ACVR1C: variants seen among roughly 807,000 people sequenced by gnomAD.
ACVR1C encodes activin receptor type-1C.
Under a neutral mutation model 57.9 loss-of-function variants are expected in ACVR1C, and 23 were observed. The ratio of observed to expected loss-of-function variants is 0.40; its 90% CI spans 0.29 to 0.56. The LOEUF is 0.56. ACVR1C is among the 20% of genes least tolerant of loss of function. The probability of loss-of-function intolerance (pLI) is 0.50; values close to 1 mark genes in which losing one functional copy is unlikely to be tolerated. For missense variants in ACVR1C, 480 were observed against 607.9 expected (o/e 0.79, Z 2.21); for synonymous variants, 214 against 215.3 (o/e 0.99, Z 0.05).
chr2:157,561,591 G>C (rs1688230648), intron 2 of ACVR1C, among the ~76,000 whole-genome samples: 1 of 152,132 alleles, frequency 6.6e-6, no homozygotes, highest in East Asian at 1.9e-4. Context: ...AAATAGAAGA[G>C]AGAACACACT....
intron 1 of ACVR1C, among the ~76,000 whole-genome samples, chr2:157,628,180 C>T (rs1026344778): frequency 6.6e-6 from 1 of 152,170 alleles, no homozygotes; most frequent in African/African-American, 2.4e-5. Context: ...GCGCGTCCGA[C>T]GCATACCTGC....
intron 4 of ACVR1C, among the ~76,000 whole-genome samples, chr2:157,547,887 C>T (rs1015343258): frequency 3.3e-4 from 50 of 151,574 alleles, no homozygotes; most frequent in African/African-American, 1.2e-3. Context: ...ACATGAAGTC[C>T]TTGCCCATGC....
chr2:157,549,451 A>G (rs1197384221), intron 4 of ACVR1C, among the ~76,000 whole-genome samples: 6 of 152,088 alleles, frequency 3.9e-5, no homozygotes, highest in African/African-American at 1.4e-4. Flanking sequence ...AGCAGCAACT[A>G]ATGGGTAAAA....
Position 157,529,284 on chromosome 2 carries a change from G to A in ACVR1C, c.*4634C>T, listed in dbSNP as rs1409993805. ...TAAATTTTATCCATTAATTTTATCA[G>A]CACCCCAGTGGTTGCCTACTTAGCT... On this transcript the variant is annotated 3_prime_UTR_variant, in exon 9 of 9. Transcript: ENST00000243349. 2 of 151,998 alleles carry A rather than the reference G, an allele frequency of 1.3e-5. No individual in the cohort carries two copies. The highest frequency in any genetic ancestry group is 6.6e-5 in the Admixed American group (1 of 15,220). The allele number at this position is 151,998 out of a possible 1,614,324, so 9.4% of individuals were successfully genotyped here.
chr2:157,563,657 A>T (rs1425243816), intron 2 of ACVR1C, among the ~76,000 whole-genome samples: 1 of 152,248 alleles, frequency 6.6e-6, no homozygotes, highest in Non-Finnish European at 1.5e-5. Flanking sequence ...CTGTATAGCC[A>T]AGACAATCCT....
In ACVR1C at chr2:157,533,861, A is replaced by C; in HGVS notation, c.*57T>G. On this transcript the variant is annotated 3_prime_UTR_variant, in exon 9 of 9. Coordinates refer to ENST00000243349, the MANE Select transcript of ACVR1C (RefSeq NM_145259.3). ...AAAAAATGGCAAAAACATTCACATA[A>C]AGGGGAAAATGGAAAAGAAAGCTAT... 1 of 1,467,126 alleles carries C rather than the reference A, an allele frequency of 6.8e-7. No individual in the cohort carries two copies. Among genetic ancestry groups the C allele is most frequent in the Non-Finnish European group, 9.0e-7 (1 of 1,110,144 alleles). The allele number at this position is 1,467,126 out of a possible 1,614,324, so 90.9% of individuals were successfully genotyped here. A position where few individuals can be genotyped will look rare whatever the true frequency, so the allele number is the denominator to read the frequency against.
At chr2:157,552,592 C>T (rs12328809) in intron 3 of ACVR1C, among the ~76,000 whole-genome samples, 6,825 of 152,270 alleles carry the variant, frequency 0.045, 336 homozygotes, top group African/African-American at 0.13. Flanking sequence ...AGAAACATCA[C>T]TACCAACAAC....
At chr2:157,555,398 C>T (rs1688076123) in intron 3 of ACVR1C, among the ~76,000 whole-genome samples, 1 of 151,994 alleles carries the variant, frequency 6.6e-6, no homozygotes, top group Admixed American at 6.6e-5. Flanking sequence ...GGATTACAGG[C>T]GTGAGCCACC....
chr2:157,546,042 G>A (rs748819435), intron 4 of ACVR1C, among the ~76,000 whole-genome samples: 4 of 152,008 alleles, frequency 2.6e-5, no homozygotes, highest in Non-Finnish European at 4.4e-5. Context: ...TTGGCCTCCC[G>A]AAGTGCTGGG....
chr2:157,554,974 C>T, intron 3 of ACVR1C, among the ~76,000 whole-genome samples: 1 of 151,666 alleles, frequency 6.6e-6, no homozygotes, highest in Non-Finnish European at 1.5e-5. Flanking sequence ...AACTGTCCCC[C>T]CACTCCGCCA....
In ACVR1C at chr2:157,628,765, T is replaced by G. The variant is rs1252625266; in HGVS notation, c.-121A>C. 16 of 855,884 alleles carry G rather than the reference T, an allele frequency of 1.9e-5. No homozygotes were observed. The highest frequency in any genetic ancestry group is 2.5e-5 in the Non-Finnish European group (15 of 592,068). 53.0% of individuals were successfully genotyped at this position (855,884 alleles called of 1,614,324 possible). A position where few individuals can be genotyped will look rare whatever the true frequency, so the allele number is the denominator to read the frequency against. ...GGGGAGCGCGGCACCGACACCCTTT[T>G]GAAGTGCGCGGTTGGCTCTAGTCAG... On this transcript the variant is annotated 5_prime_UTR_variant, in exon 1 of 9. Coordinates refer to ENST00000243349, the MANE Select transcript of ACVR1C (RefSeq NM_145259.3).
At chr2:157,601,276 C>T (rs1303706009) in intron 1 of ACVR1C, among the ~76,000 whole-genome samples, 1 of 151,844 alleles carries the variant, frequency 6.6e-6, no homozygotes. Flanking sequence ...GAGATTGCAC[C>T]ACTGCTCTCC....
intron 1 of ACVR1C, among the ~76,000 whole-genome samples, chr2:157,608,773 A>T (rs189167639): frequency 6.6e-6 from 1 of 151,970 alleles, no homozygotes; most frequent in East Asian, 1.9e-4. Context: ...ATAGTTGTTC[A>T]TAACAGTCTC....
At chr2:157,561,768 T>A (rs1365697196) in intron 2 of ACVR1C, among the ~76,000 whole-genome samples, 1 of 152,232 alleles carries the variant, frequency 6.6e-6, no homozygotes, top group African/African-American at 2.4e-5. Context: ...TACCATTATT[T>A]CCAATATTTG....
intron 4 of ACVR1C, among the ~76,000 whole-genome samples, chr2:157,546,385 A>G (rs1355730289): frequency 2.0e-5 from 3 of 152,182 alleles, no homozygotes; most frequent in Non-Finnish European, 4.4e-5. Flanking sequence ...ATCATCAGTA[A>G]ACATAATTAT....
In ACVR1C at chr2:157,576,203, C is replaced by CTTTTTTT. The variant is rs10628650; in HGVS notation, c.304+10977_304+10983dup. 4.2e-4 allele frequency among the ~76,000 whole-genome samples: 41 copies of CTTTTTTT among 97,924 alleles called. 1 individual carries two copies. Among genetic ancestry groups the CTTTTTTT allele is most frequent in the Non-Finnish European group, 5.3e-4 (27 of 50,804 alleles). 64.2% of individuals were successfully genotyped at this position (97,924 alleles called of 152,430 possible). ...ATTGTGGCTTGAGGAATAATCATTT[C>CTTTTTTT]TTTTTTTTTTTTTTTTTTTTGGCGA... On this transcript the variant is annotated intron_variant, in intron 2 of 8. Coordinates refer to ENST00000243349, the MANE Select transcript of ACVR1C (RefSeq NM_145259.3).
In ACVR1C at chr2:157,532,827, T is replaced by G. The variant is rs1265189962; in HGVS notation, c.*1091A>C. 1 of 152,170 alleles carries G rather than the reference T, an allele frequency of 6.6e-6. No homozygotes were observed. The highest frequency in any genetic ancestry group is 6.6e-5 in the Admixed American group (1 of 15,254). The allele number at this position is 152,170 out of a possible 1,614,324, so 9.4% of individuals were successfully genotyped here. A position where few individuals can be genotyped will look rare whatever the true frequency, so the allele number is the denominator to read the frequency against. On this transcript the variant is annotated 3_prime_UTR_variant, in exon 9 of 9. Coordinates refer to ENST00000243349, the MANE Select transcript of ACVR1C (RefSeq NM_145259.3). The stretch of plus-strand genomic sequence containing the variant: ...ATATATTCTCAAAATATTTCCTTCC[T>G]TCCTCTTCCTTTTCTGTCTTTTCTT...
intron 1 of ACVR1C, among the ~76,000 whole-genome samples, chr2:157,607,648 G>C (rs368428769): frequency 6.6e-6 from 1 of 151,578 alleles, no homozygotes; most frequent in African/African-American, 2.4e-5. Flanking sequence ...TCTTTCATCA[G>C]TGTTTTCTGG....
At chr2:157,582,765 A>G (rs770139366) in intron 2 of ACVR1C, among the ~76,000 whole-genome samples, 1 of 152,266 alleles carries the variant, frequency 6.6e-6, no homozygotes, top group Non-Finnish European at 1.5e-5. Context: ...TCTTCTATAT[A>G]TCAGAACAGA....
Sources: allele counts gnomAD v4.1 joint callset (sites outside exome capture counted in the v4.1 genomes callset), GRCh38; gene constraint gnomAD v4.1.1; transcripts MANE v1.5; gene names NCBI Gene and HGNC (gene_info 2026-07-23, HGNC 2026-07-21).